Variants in GPHN observed in about 807,000 individuals in gnomAD.
The protein encoded by GPHN is gephyrin.
A neutral mutation model predicts 95.5 loss-of-function variants in GPHN; 17 were observed. The ratio of observed to expected loss-of-function variants is 0.18; its 90% CI spans 0.12 to 0.27. GPHN has a LOEUF of 0.27. GPHN is among the 10% of genes least tolerant of loss of function. The probability of loss-of-function intolerance (pLI) is 1.00; values close to 1 mark genes in which losing one functional copy is unlikely to be tolerated. For missense variants in GPHN, 660 were observed against 978.1 expected (o/e 0.67, Z 4.34); for synonymous variants, 320 against 322.5 (o/e 0.99, Z 0.08).
the GPHN span, chr14:67,571,791 T>C: frequency 6.2e-7 from 1 of 1,613,602 alleles, no homozygotes. Context: ...TATGGACGAG[T>C]CCTCTGGGTC....
chr14:67,122,481 A>G (rs2153692376), intron 17 of GPHN, 104 bp downstream of exon 17: 1 of 974,506 alleles, frequency 1.0e-6, no homozygotes. Context: ...ATTTAATGTC[A>G]TAATTTTCAC....
At chr14:67,379,412 T>C in the GPHN span, among the ~76,000 whole-genome samples, 1 of 152,324 alleles carries the variant, frequency 6.6e-6, no homozygotes, top group Non-Finnish European at 1.5e-5. Flanking sequence ...TCATGTTTCT[T>C]AACCATTTGT....
At chr14:67,458,401 C>A in the GPHN span, among the ~76,000 whole-genome samples, 1 of 152,168 alleles carries the variant, frequency 6.6e-6, no homozygotes, top group Non-Finnish European at 1.5e-5. Flanking sequence ...CCTGCCAGAC[C>A]CGCAGCGTGC....
chr14:66,852,879 T>A (rs1567021459), intron 4 of GPHN, among the ~76,000 whole-genome samples: 1 of 152,206 alleles, frequency 6.6e-6, no homozygotes, highest in Non-Finnish European at 1.5e-5. Context: ...AAAATTATGG[T>A]CAATTCTGTA....
At chr14:66,633,784 C>T (rs1463307022) in intron 1 of GPHN, among the ~76,000 whole-genome samples, 1 of 152,112 alleles carries the variant, frequency 6.6e-6, no homozygotes, top group Non-Finnish European at 1.5e-5. Context: ...GTACTCTTCC[C>T]ATTGTATCCC....
At chr14:67,452,966 C>A in the GPHN span, among the ~76,000 whole-genome samples, 30,360 of 152,128 alleles carry the variant, frequency 0.2, 3,873 homozygotes, top group African/African-American at 0.36. Context: ...TCAGCCCACA[C>A]AAGGAAATTT....
At chr14:67,679,716 T>A in the GPHN span, among the ~76,000 whole-genome samples, 1 of 152,208 alleles carries the variant, frequency 6.6e-6, no homozygotes, top group Non-Finnish European at 1.5e-5. Flanking sequence ...TAATTCCAAG[T>A]TTTATAATTT....
intron 2 of GPHN, among the ~76,000 whole-genome samples, chr14:66,694,323 T>G (rs1043680836): frequency 3.3e-5 from 5 of 152,162 alleles, no homozygotes; most frequent in African/African-American, 1.2e-4. Context: ...ATCTTGGACT[T>G]CCAGACCTGC....
chr14:66,973,975 A>G (rs1202563768), intron 9 of GPHN, among the ~76,000 whole-genome samples: 3 of 152,182 alleles, frequency 2.0e-5, no homozygotes, highest in African/African-American at 7.2e-5. Flanking sequence ...ATACTCAGCT[A>G]ATATTCTTTA....
chr14:67,642,451 G>A, the GPHN span: 6 of 1,430,784 alleles, frequency 4.2e-6, no homozygotes, highest in Non-Finnish European at 5.7e-6. Flanking sequence ...TCTTCATCTG[G>A]AGAAAAATAC....
At chr14:67,386,964 A>G in the GPHN span, 13 of 158,042 alleles carry the variant, frequency 8.2e-5, no homozygotes, top group South Asian at 2.5e-3. Context: ...TACTAATTCC[A>G]AAGAAGTTAA....
At chr14:67,057,211 C>T (rs1340128080) in intron 10 of GPHN, among the ~76,000 whole-genome samples, 3 of 152,198 alleles carry the variant, frequency 2.0e-5, no homozygotes, top group Non-Finnish European at 2.9e-5. Flanking sequence ...GTGGGGGCTG[C>T]TAGCATATTG....
At chr14:67,478,820 T>A in the GPHN span, among the ~76,000 whole-genome samples, 7 of 152,118 alleles carry the variant, frequency 4.6e-5, no homozygotes, top group South Asian at 2.1e-4. Flanking sequence ...CCCTTCTCTG[T>A]GGTAATAGTG....
intron 1 of GPHN, among the ~76,000 whole-genome samples, chr14:66,581,783 A>G (rs2061184895): frequency 6.6e-6 from 1 of 152,038 alleles, no homozygotes; most frequent in African/African-American, 2.4e-5. Context: ...AATAAAAATT[A>G]TAAAAAGAGA....
chr14:67,207,200 A>G, the GPHN span, among the ~76,000 whole-genome samples: 7 of 152,254 alleles, frequency 4.6e-5, no homozygotes, highest in South Asian at 1.5e-3. Flanking sequence ...AATAAAGAAA[A>G]GAGGGTTAAT....
the GPHN span, among the ~76,000 whole-genome samples, chr14:67,229,966 A>G: frequency 6.6e-6 from 1 of 152,204 alleles, no homozygotes; most frequent in African/African-American, 2.4e-5. Flanking sequence ...CAACCTTCAC[A>G]ATCAGGAGTG....
At chr14:66,780,240 C>T (rs921928239) in intron 3 of GPHN, among the ~76,000 whole-genome samples, 5 of 151,858 alleles carry the variant, frequency 3.3e-5, no homozygotes, top group Non-Finnish European at 1.5e-5. Context: ...ACCAAATATC[C>T]AATAAGTCAT....
chr14:67,038,168 C>T (rs1427046228), intron 10 of GPHN, among the ~76,000 whole-genome samples: 3 of 151,982 alleles, frequency 2.0e-5, no homozygotes, highest in Non-Finnish European at 2.9e-5. Flanking sequence ...ATGGATGAAC[C>T]TTCAGGACAT....
chr14:67,378,024 GA>G, the GPHN span, among the ~76,000 whole-genome samples: 1 of 152,130 alleles, frequency 6.6e-6, no homozygotes, highest in South Asian at 2.1e-4. Context: ...GCTGAGGCAG[GA>G]GGATCACTTG....
Sources: allele counts gnomAD v4.1 joint callset (sites outside exome capture counted in the v4.1 genomes callset), GRCh38; gene constraint gnomAD v4.1.1; transcripts MANE v1.5; gene names NCBI Gene and HGNC (gene_info 2026-07-23, HGNC 2026-07-21).